The following WDPCP variants were observed in gnomAD, a reference collection of about 807,000 sequenced individuals.
WDPCP encodes the protein WD repeat containing planar cell polarity effector, also known as WD repeat-containing and planar cell polarity effector protein fritz homolog.
WDPCP carries 71 observed loss-of-function variants against 93.1 expected under a neutral mutation model. The ratio of observed to expected loss-of-function variants is 0.76; its 90% CI spans 0.63 to 0.93. The LOEUF (loss-of-function observed/expected upper bound fraction) is 0.93. Among genes scored for constraint, WDPCP ranks in the 40% least tolerant of loss-of-function variants. The probability of loss-of-function intolerance (pLI) is 0.00; values close to 1 mark genes in which losing one functional copy is unlikely to be tolerated. For missense variants in WDPCP, 844 were observed against 887.4 expected (o/e 0.95, Z 0.62); for synonymous variants, 315 against 315.0 (o/e 1.00, Z 0.00).
chr2:63,433,397 C>A (rs1052255363), intron 9 of WDPCP, among the ~76,000 whole-genome samples: 3 of 152,168 alleles, frequency 2.0e-5, no homozygotes, highest in Non-Finnish European at 4.4e-5. Context: ...TCAGGGCTTA[C>A]TATACATTGA....
chr2:63,204,292 C>T (rs566890555), intron 14 of WDPCP, among the ~76,000 whole-genome samples: 1 of 148,586 alleles, frequency 6.7e-6, no homozygotes, highest in African/African-American at 2.5e-5. Flanking sequence ...TTGCATTTCT[C>T]TGATGATCAG....
At chr2:63,313,881 TATA>T (rs1353196230) in intron 12 of WDPCP, among the ~76,000 whole-genome samples, 4 of 79,096 alleles carry the variant, frequency 5.1e-5, no homozygotes, top group South Asian at 4.4e-4. Flanking sequence ...TATATATATA[TATA>T]TATTTTTTTT....
intron 13 of WDPCP, among the ~76,000 whole-genome samples, chr2:63,266,227 A>G: frequency 6.6e-6 from 1 of 152,224 alleles, no homozygotes; most frequent in Non-Finnish European, 1.5e-5. Context: ...CTGTTTGTTG[A>G]TGACACAATC....
chr2:63,765,001 CAAAGATGT>C (rs1245131687), intron 2 of WDPCP, among the ~76,000 whole-genome samples: 1 of 152,146 alleles, frequency 6.6e-6, no homozygotes, highest in Admixed American at 6.5e-5. Flanking sequence ...TTCCACTCAA[CAAAGATGT>C]GTGGAAAGCA....
chr2:63,547,233 A>C (rs1450308588), intron 1 of WDPCP, among the ~76,000 whole-genome samples: 1 of 152,160 alleles, frequency 6.6e-6, no homozygotes, highest in Non-Finnish European at 1.5e-5. Flanking sequence ...GGCTATTATC[A>C]AGAAGACCAA....
intron 14 of WDPCP, among the ~76,000 whole-genome samples, chr2:63,222,027 A>C (rs962190529): frequency 1.3e-5 from 2 of 152,170 alleles, no homozygotes; most frequent in Admixed American, 1.3e-4. Flanking sequence ...AAGAGTCACC[A>C]CCAGGCTCTC....
chr2:63,791,206 T>G (rs1031881102), intron 2 of WDPCP, among the ~76,000 whole-genome samples: 1 of 152,200 alleles, frequency 6.6e-6, no homozygotes, highest in Non-Finnish European at 1.5e-5. Context: ...TGGGGAATAC[T>G]TTAAAGGATT....
intron 12 of WDPCP, among the ~76,000 whole-genome samples, chr2:63,361,820 C>T (rs1253488389): frequency 6.6e-6 from 1 of 152,100 alleles, no homozygotes; most frequent in Non-Finnish European, 1.5e-5. Flanking sequence ...CTTCTCAGAG[C>T]GGGAGGGGTG....
chr2:63,746,928 C>G (rs766546738), intron 2 of WDPCP, among the ~76,000 whole-genome samples: 8 of 152,048 alleles, frequency 5.3e-5, no homozygotes, highest in Non-Finnish European at 8.8e-5. Context: ...TTGAAAATTG[C>G]TAATAAAAAC....
intron 2 of WDPCP, among the ~76,000 whole-genome samples, chr2:63,675,739 ATT>A (rs1710396620): frequency 6.6e-6 from 1 of 152,176 alleles, no homozygotes. Context: ...TTAATAATTT[ATT>A]TAGGAATTCA....
At chr2:63,335,791 T>C (rs1688314015) in intron 12 of WDPCP, among the ~76,000 whole-genome samples, 2 of 152,146 alleles carry the variant, frequency 1.3e-5, no homozygotes, top group Admixed American at 1.3e-4. Context: ...ACCCAGCAAG[T>C]TAAGGCATTC....
chr2:63,143,230 A>T (rs1671228504), intron 17 of WDPCP, among the ~76,000 whole-genome samples: 1 of 152,126 alleles, frequency 6.6e-6, no homozygotes, highest in South Asian at 2.1e-4. Context: ...CTGGTATAAG[A>T]ATAGCTGCCC....
At position 63,636,323 on chromosome 2, in the gene WDPCP, A is replaced by G. The variant is rs150233517; in HGVS notation, n.488+14336T>C. 2.3e-3 allele frequency among the ~76,000 whole-genome samples: 346 copies of G among 152,358 alleles called. 2 individuals carry two copies. The highest frequency in any genetic ancestry group is 7.8e-3 in the African/African-American group (323 of 41,580). ...ATACAATCTTTGTCAAAATTTTATC[A>G]TCATTTTTCATAGAAATAGTAAAAA... On this transcript the variant is annotated intron_variant and non_coding_transcript_variant, in intron 3 of 4. Transcript: ENST00000467687.
At chr2:63,795,468 C>A (rs966171155) in intron 2 of WDPCP, among the ~76,000 whole-genome samples, 1 of 148,566 alleles carries the variant, frequency 6.7e-6, no homozygotes, top group Non-Finnish European at 1.5e-5. Context: ...GAGTTTGAAT[C>A]CAACCTGGGC....
chr2:63,481,750 GA>G (rs1490633686), intron 6 of WDPCP, among the ~76,000 whole-genome samples: 109 of 151,934 alleles, frequency 7.2e-4, no homozygotes, highest in African/African-American at 2.5e-3. Context: ...GAAAGGGTGG[GA>G]GGGGGGTGAG....
At chr2:63,273,835 A>G (rs1414414855) in intron 13 of WDPCP, among the ~76,000 whole-genome samples, 2 of 151,996 alleles carry the variant, frequency 1.3e-5, no homozygotes, top group African/African-American at 4.8e-5. Context: ...ACGCACACAC[A>G]CACACACACA....
chr2:63,771,272 T>C (rs1200403614), intron 2 of WDPCP, among the ~76,000 whole-genome samples: 1 of 151,812 alleles, frequency 6.6e-6, no homozygotes, highest in Non-Finnish European at 1.5e-5. Context: ...TAAACATCTT[T>C]ATGTTAATTG....
intron 14 of WDPCP, among the ~76,000 whole-genome samples, chr2:63,208,128 G>A (rs1010437851): frequency 6.6e-6 from 1 of 151,888 alleles, no homozygotes; most frequent in Non-Finnish European, 1.5e-5. Context: ...TTATATCACT[G>A]TATTTAAGAT....
intron 2 of WDPCP, among the ~76,000 whole-genome samples, chr2:63,763,181 C>T (rs868270548): frequency 6.6e-5 from 10 of 152,096 alleles, no homozygotes; most frequent in Non-Finnish European, 1.0e-4. Flanking sequence ...ACCTAATACC[C>T]TGACTGACAC....
Sources: allele counts gnomAD v4.1 joint callset (sites outside exome capture counted in the v4.1 genomes callset), GRCh38; gene constraint gnomAD v4.1.1; transcripts MANE v1.5; gene names NCBI Gene and HGNC (gene_info 2026-07-23, HGNC 2026-07-21).